Variants in EDIL3 observed in about 807,000 individuals in gnomAD.
EDIL3 encodes the protein EGF like and discoidin domains 3, also known as EGF-like repeat and discoidin I-like domain-containing protein 3.
A neutral mutation model predicts 67.4 loss-of-function variants in EDIL3; 37 were observed. The observed-to-expected ratio is 0.55, with a 90% CI of 0.42 to 0.72. The LOEUF (loss-of-function observed/expected upper bound fraction) is 0.72. Among genes scored for constraint, EDIL3 ranks in the 30% least tolerant of loss-of-function variants. EDIL3 has a pLI of 0.00. For missense variants in EDIL3, 527 were observed against 586.3 expected (o/e 0.90, Z 1.04); for synonymous variants, 195 against 196.3 (o/e 0.99, Z 0.05).
chr5:84,278,759 G>A (rs1745637627), intron 1 of EDIL3, among the ~76,000 whole-genome samples: 1 of 152,154 alleles, frequency 6.6e-6, no homozygotes, highest in African/African-American at 2.4e-5. Context: ...TTAGGTAAAT[G>A]TGGATGTGCT....
At chr5:84,027,343 G>T (rs1001077313) in intron 9 of EDIL3, among the ~76,000 whole-genome samples, 4 of 152,104 alleles carry the variant, frequency 2.6e-5, no homozygotes, top group African/African-American at 9.7e-5. Flanking sequence ...CATCACAAGT[G>T]TTCAAAACAT....
At chr5:84,313,733 A>G (rs1315189095) in intron 1 of EDIL3, among the ~76,000 whole-genome samples, 2 of 152,154 alleles carry the variant, frequency 1.3e-5, no homozygotes, top group Non-Finnish European at 2.9e-5. Flanking sequence ...CGACCAATTA[A>G]ATCAGAATCT....
intron 1 of EDIL3, among the ~76,000 whole-genome samples, chr5:84,305,073 CAG>C (rs1229597774): frequency 2.6e-5 from 4 of 152,080 alleles, no homozygotes; most frequent in African/African-American, 9.7e-5. Flanking sequence ...TGCAAACTAA[CAG>C]AATAAAATCA....
chr5:84,053,669 A>T (rs1479004174), intron 9 of EDIL3, among the ~76,000 whole-genome samples: 1 of 152,220 alleles, frequency 6.6e-6, no homozygotes, highest in Non-Finnish European at 1.5e-5. Context: ...ATCAGAGAAT[A>T]CTATAAACAC....
intron 1 of EDIL3, among the ~76,000 whole-genome samples, chr5:84,321,284 G>A (rs1746644037): frequency 6.6e-6 from 1 of 151,778 alleles, no homozygotes; most frequent in Non-Finnish European, 1.5e-5. Flanking sequence ...ATTTGTGAGG[G>A]GCAATTTTCC....
chr5:84,170,208 T>C (rs192319324), intron 4 of EDIL3, among the ~76,000 whole-genome samples: 10 of 152,316 alleles, frequency 6.6e-5, no homozygotes, highest in Non-Finnish European at 1.2e-4. Flanking sequence ...GGTGTGGCCA[T>C]AGCATCTGTC....
At chr5:84,242,745 C>T (rs1175199857) in intron 2 of EDIL3, among the ~76,000 whole-genome samples, 2 of 141,506 alleles carry the variant, frequency 1.4e-5, no homozygotes, top group Admixed American at 7.5e-5. Flanking sequence ...CTGCAGTGAG[C>T]CATGATTGCA....
intron 9 of EDIL3, among the ~76,000 whole-genome samples, chr5:84,007,351 GA>G (rs983383903): frequency 6.6e-6 from 1 of 151,876 alleles, no homozygotes; most frequent in Non-Finnish European, 1.5e-5. Context: ...ACAGAATGGG[GA>G]AAAAAATAGC....
At chr5:84,197,198 G>A (rs1363985564) in intron 3 of EDIL3, among the ~76,000 whole-genome samples, 1 of 151,964 alleles carries the variant, frequency 6.6e-6, no homozygotes, top group Non-Finnish European at 1.5e-5. Flanking sequence ...GGAGATTATA[G>A]ACAAATAAAT....
chr5:83,976,800 AAAT>A (rs1744884297), intron 9 of EDIL3, among the ~76,000 whole-genome samples: 3 of 151,760 alleles, frequency 2.0e-5, no homozygotes, highest in Admixed American at 2.0e-4. Flanking sequence ...ATGTACTCCT[AAAT>A]AATAATATTT....
chr5:84,073,597 A>G (rs1216840558), intron 6 of EDIL3, among the ~76,000 whole-genome samples: 5 of 152,200 alleles, frequency 3.3e-5, no homozygotes, highest in Admixed American at 6.5e-5. Context: ...CCCATTCACA[A>G]TTGCTTCAAA....
chr5:83,992,568 C>G (rs1745169642), intron 9 of EDIL3, among the ~76,000 whole-genome samples: 1 of 152,054 alleles, frequency 6.6e-6, no homozygotes, highest in Admixed American at 6.6e-5. Context: ...TTTACAAGCA[C>G]CAATGGTTTA....
At chr5:84,290,349 C>T (rs188073539) in intron 1 of EDIL3, among the ~76,000 whole-genome samples, 34 of 152,284 alleles carry the variant, frequency 2.2e-4, no homozygotes, top group African/African-American at 7.0e-4. Context: ...GCTGCCCTTA[C>T]TCCCTCTAAG....
intron 1 of EDIL3, among the ~76,000 whole-genome samples, chr5:84,276,900 T>C (rs1423669317): frequency 1.3e-5 from 2 of 152,128 alleles, no homozygotes; most frequent in African/African-American, 4.8e-5. Flanking sequence ...GACTTTATGT[T>C]CATGTCAAGT....
At chr5:84,040,120 GAGAAGGGGTTTGAACCC>G (rs1746092833) in intron 9 of EDIL3, among the ~76,000 whole-genome samples, 1 of 152,182 alleles carries the variant, frequency 6.6e-6, no homozygotes, top group South Asian at 2.1e-4. Context: ...ACTAGTGGCA[GAGAAGGGGTTTGAACCC>G]AGAAGGTCCT....
intron 6 of EDIL3, among the ~76,000 whole-genome samples, chr5:84,067,244 C>T (rs1429876909): frequency 6.6e-6 from 1 of 152,080 alleles, no homozygotes; most frequent in East Asian, 1.9e-4. Context: ...TTTTCTGTCT[C>T]CATATTTTCT....
At chr5:83,946,228 A>G (rs1299963599) in intron 10 of EDIL3, among the ~76,000 whole-genome samples, 1 of 152,002 alleles carries the variant, frequency 6.6e-6, no homozygotes, top group Non-Finnish European at 1.5e-5. Flanking sequence ...AATATTTTAC[A>G]TGAGAAAGAC....
intron 9 of EDIL3, among the ~76,000 whole-genome samples, chr5:84,005,396 C>A (rs1279459609): frequency 6.6e-6 from 1 of 152,128 alleles, no homozygotes; most frequent in African/African-American, 2.4e-5. Flanking sequence ...AGGTCAATAT[C>A]CCTGACGAAC....
In EDIL3 at chr5:84,049,926, G is replaced by A. The variant is rs189239399; in HGVS notation, c.1137+10374C>T. Among the ~76,000 whole-genome samples, 1,141 of 152,046 alleles carry A rather than the reference G, an allele frequency of 7.5e-3. 17 individuals carry two copies. The highest frequency in any genetic ancestry group is 0.026 in the African/African-American group (1,067 of 41,458). ...CTTAAAAAAAATCACACGGCCGGGC[G>A]CGGTGGCTCACGCCTGTAATCCCAG... is the stretch of plus-strand genomic sequence containing the variant. On this transcript the variant is annotated intron_variant, in intron 9 of 10. Coordinates refer to ENST00000296591, the MANE Select transcript of EDIL3 (RefSeq NM_005711.5).
Sources: allele counts gnomAD v4.1 joint callset (sites outside exome capture counted in the v4.1 genomes callset), GRCh38; gene constraint gnomAD v4.1.1; transcripts MANE v1.5; gene names NCBI Gene and HGNC (gene_info 2026-07-23, HGNC 2026-07-21).